The following GDPGP1 variants were observed in gnomAD, a reference collection of about 807,000 sequenced individuals.
GDPGP1 encodes GDP-D-glucose phosphorylase C15orf58.
A neutral mutation model predicts 19.2 loss-of-function variants in GDPGP1; 18 were observed. The observed-to-expected ratio is 0.94, with a 90% CI of 0.65 to 1.39. The LOEUF (loss-of-function observed/expected upper bound fraction) is 1.39. Ranked by LOEUF, GDPGP1 falls within the 40% of genes most tolerant of loss-of-function variation. The pLI is 0.00. For synonymous variants in GDPGP1, 219 were observed against 208.9 expected, an observed-to-expected ratio of 1.05 and a Z score of -0.42; for missense variants, 449 against 490.5, an observed-to-expected ratio of 0.92 and a Z score of 0.80.
rs142135462 is a variant in GDPGP1, at chr15:90,241,687, G to A, written c.779G>A (p.Arg260His). 3.4e-4 allele frequency: 554 copies of A among 1,614,100 alleles called. 1 individual carries two copies. Among genetic ancestry groups the A allele is most frequent in the Non-Finnish European group, 4.3e-4 (509 of 1,180,038 alleles). Residue 260 changes from arginine (R) to histidine (H), a missense_variant, in exon 4 of 4, where the codon CGT (arginine) becomes CAT (histidine). Arg to His is a conservative substitution (Grantham distance 29, BLOSUM62 0). Coordinates refer to ENST00000329600, the MANE Select transcript of GDPGP1 (RefSeq NM_001013657.3). ...GCTCCTGGCTTCCTCTTTTACACTC[G>A]TGGGCCAGGGCCTGACTTGGAGTCC... is the stretch of plus-strand genomic sequence containing the variant. ...LPAPGFLFYT[R>H]GPGPDLESLI...
chr15:90,241,601 G>A lies in GDPGP1; in HGVS notation c.693G>A (p.Glu231=). 1 of 1,613,788 alleles carries A rather than the reference G, an allele frequency of 6.2e-7. No individual in the cohort carries two copies. The highest frequency in any genetic ancestry group is 1.1e-5 in the South Asian group (1 of 91,090). ...ACCTGGCCCACAGACTGCCCGTGGA[G>A]CAGGCGCCAAGCGAGCCCCTGGACC... ...GYYLAHRLPV[E]QAPSEPLDPG... is the part of the protein sequence containing the mutation. The change falls in exon 4 of 4, where the codon GAG becomes GAA. Residue 231 remains glutamate, a synonymous_variant. Coordinates refer to ENST00000329600, the MANE Select transcript of GDPGP1 (RefSeq NM_001013657.3).
Position 90,244,923 on chromosome 15 carries a change from A to G in GDPGP1, c.*2857A>G, listed in dbSNP as rs963004212. 6.6e-6 allele frequency: 1 copy of G among 152,186 alleles called. No homozygotes were observed. Among genetic ancestry groups the G allele is most frequent in the Non-Finnish European group, 1.5e-5 (1 of 68,044 alleles). The allele number at this position is 152,186 out of a possible 1,614,324, so 9.4% of individuals were successfully genotyped here. On this transcript the variant is annotated 3_prime_UTR_variant, in exon 4 of 4. Coordinates refer to ENST00000329600, the MANE Select transcript of GDPGP1 (RefSeq NM_001013657.3). ...TGAAGGAATGAGAGTCCCTGTTCAC[A>G]GCGTAAGGGTGAAAGGGGGCTCACA...
chr15:90,235,847 C>T (rs377492042), intron 2 of GDPGP1, among the ~76,000 whole-genome samples: 3 of 152,164 alleles, frequency 2.0e-5, no homozygotes, highest in East Asian at 3.9e-4. Context: ...GGATTACAGG[C>T]GTGACCCACC....
rs1016312741 is a variant in GDPGP1, at chr15:90,245,051, C to T, written c.*2985C>T. 6.6e-6 allele frequency: 1 copy of T among 152,248 alleles called. No homozygotes were observed. The highest frequency in any genetic ancestry group is 1.5e-5 in the Non-Finnish European group (1 of 68,050). 9.4% of individuals were successfully genotyped at this position (152,248 alleles called of 1,614,324 possible). A position where few individuals can be genotyped will look rare whatever the true frequency, so the allele number is the denominator to read the frequency against. On this transcript the variant is annotated 3_prime_UTR_variant, in exon 4 of 4. Transcript: ENST00000329600. ...CTAGCCCTGGCTTAGGCCTTCAGGT[C>T]GTTGGCTCCCTATACCTAGGCCTGT...
chr15:90,234,775 C>A (rs528737738), intron 2 of GDPGP1, among the ~76,000 whole-genome samples, 179 bp downstream of exon 2: 1 of 152,328 alleles, frequency 6.6e-6, no homozygotes, highest in African/African-American at 2.4e-5. Context: ...CACCCCTAGA[C>A]TGCTGACCCT....
intron 3 of GDPGP1, among the ~76,000 whole-genome samples, chr15:90,239,949 C>T (rs1410587093): frequency 2.6e-5 from 4 of 152,002 alleles, no homozygotes; most frequent in South Asian, 4.2e-4. Context: ...CGTGGCTGGG[C>T]GCAGTGGCTC....
rs1336094072 is a variant in GDPGP1 at position 90,245,291 on chromosome 15, A to G, written c.*3225A>G. On this transcript the variant is annotated 3_prime_UTR_variant, in exon 4 of 4. Transcript: ENST00000329600. Reference sequence around the variant, plus strand: ...GGAGTTCAAGACCAGCCTGGCCAACATGGTGAAACCCCGTCTCTACTAAAA... The same window carrying G: ...GGAGTTCAAGACCAGCCTGGCCAACGTGGTGAAACCCCGTCTCTACTAAAA... 6.6e-6 allele frequency: 1 copy of G among 152,220 alleles called. No individual in the cohort carries two copies. Among genetic ancestry groups the G allele is most frequent in the Non-Finnish European group, 1.5e-5 (1 of 68,076 alleles). The allele number at this position is 152,220 out of a possible 1,614,324, so 9.4% of individuals were successfully genotyped here.
At chr15:90,238,927 A>AAAAAC (rs143396632) in intron 3 of GDPGP1, among the ~76,000 whole-genome samples, 3,656 of 152,262 alleles carry the variant, frequency 0.024, 137 homozygotes, top group African/African-American at 0.08. Context: ...TGTCTCTACC[A>AAAAAC]AAAACAAAAC....
At chr15:90,237,519 C>T (rs557790891) in intron 2 of GDPGP1, among the ~76,000 whole-genome samples, 3 of 152,102 alleles carry the variant, frequency 2.0e-5, no homozygotes, top group African/African-American at 4.8e-5. Flanking sequence ...ATCTTGACCT[C>T]GTGATTCACC....
rs191015779 is a variant in GDPGP1 at position 90,238,255 on chromosome 15, G to A, written c.-66-237G>A. Among the ~76,000 whole-genome samples the A allele has an allele frequency of 7.9e-5, 12 of 152,272 alleles. No homozygotes were observed. In the East Asian group the frequency reaches 1.5e-3, roughly 20 times the overall value. On this transcript the variant is annotated intron_variant, in intron 2 of 3. Transcript: ENST00000329600. ...GTGGAGGTTGCAGTGAGCCAAGATC[G>A]TGCCACTGCACTGCAGCCTGGCTGA...
Position 90,239,908 on chromosome 15 carries a change from G to C in GDPGP1, c.-9-992G>C, listed in dbSNP as rs568261012. On this transcript the variant is annotated intron_variant, in intron 3 of 3. Transcript: ENST00000329600. ...CCACTGCACTCCTGCCTGGGTGACA[G>C]AGTGAGAACCTGTTTCAAAATAAAA... is the stretch of plus-strand genomic sequence containing the variant. Among the ~76,000 whole-genome samples the C allele has an allele frequency of 1.2e-4, 19 of 152,300 alleles. No homozygotes were observed. In the South Asian group the frequency reaches 3.7e-3, roughly 30 times the overall value.
rs74037072 is a variant in GDPGP1, at chr15:90,241,110, A to G, written c.202A>G (p.Lys68Glu). 5.2e-3 allele frequency: 8,390 copies of G among 1,614,010 alleles called. 284 individuals are homozygous for G. The African/African-American group carries it at 0.082, about 16-fold the overall frequency. ...TGATGCTGCACTCTGCTCTGCCTGG[A>G]AGCAGCGGGTGGAGCTGGGGCTGTT... ...PFDAALCSAW[K>E]QRVELGLFRY... Residue 68 changes from lysine (K) to glutamate (E), a missense_variant, in exon 4 of 4, where the codon AAG (lysine) becomes GAG (glutamate). Transcript: ENST00000329600.
Position 90,236,060 on chromosome 15 carries a change from CAG to C in GDPGP1, c.-67+1467_-67+1468del, listed in dbSNP as rs779581873. ...GTATCTGTCTTCTTTTTTTTTGAGA[CAG>C]AGTTTCACTCCTGTTGCCCAGGCTG... On this transcript the variant is annotated intron_variant, in intron 2 of 3. Coordinates refer to ENST00000329600, the MANE Select transcript of GDPGP1 (RefSeq NM_001013657.3). 6 of 151,882 alleles carry C rather than the reference CAG, an allele frequency of 4.0e-5. No individual in the cohort carries two copies. The South Asian group carries it at 1.2e-3, about 32-fold the overall frequency. 9.4% of individuals were successfully genotyped at this position (151,882 alleles called of 1,614,324 possible).
rs1386730893 is a variant in GDPGP1 at position 90,241,200 on chromosome 15, C to T, written c.292C>T (p.Leu98=). The change falls in exon 4 of 4, where the codon CTG becomes TTG. Residue 98 remains leucine (L), a synonymous_variant. Coordinates refer to ENST00000329600, the MANE Select transcript of GDPGP1 (RefSeq NM_001013657.3). ...LPGAVGFVAQ[L]NVERGVQRRP... ...TGGTGCTGTGGGTTTCGTGGCTCAGCTGAATGTGGAGCGTGGTGTGCAGAG... is the reference window on the plus strand; with the variant it reads ...TGGTGCTGTGGGTTTCGTGGCTCAGTTGAATGTGGAGCGTGGTGTGCAGAG... The T allele has an allele frequency of 6.2e-7, 1 of 1,614,176 alleles. No individual in the cohort carries two copies. The highest frequency in any genetic ancestry group is 8.5e-7 in the Non-Finnish European group (1 of 1,180,040).
In GDPGP1 at chr15:90,241,420, C is replaced by G. The variant is rs754133795; in HGVS notation, c.512C>G (p.Pro171Arg). Reference sequence around the variant, plus strand: ...GAGTGGGGCCACGTGCTGCTGGTGCCTGAGCCTGCCCGCCAGCTCCCCCAG... The same window carrying G: ...GAGTGGGGCCACGTGCTGCTGGTGCGTGAGCCTGCCCGCCAGCTCCCCCAG... ...PLEWGHVLLV[P>R]EPARQLPQRL... The change falls in exon 4 of 4, where the codon CCT becomes CGT. Residue 171 changes from proline (P) to arginine (R), a missense_variant. Coordinates refer to ENST00000329600, the MANE Select transcript of GDPGP1 (RefSeq NM_001013657.3). The G allele has an allele frequency of 1.7e-5, 28 of 1,613,514 alleles. No individual in the cohort carries two copies. In the African/African-American group the frequency reaches 3.7e-4, roughly 22 times the overall value.
chr15:90,242,202 C>A lies in GDPGP1; in HGVS notation c.*136C>A. On this transcript the variant is annotated 3_prime_UTR_variant, in exon 4 of 4. Transcript: ENST00000329600. The stretch of plus-strand genomic sequence containing the variant: ...TCTGGGGCTGAAGTGATCCTCCCAC[C>A]TCAGCCTCTTGAGTAGCTGAGACTA... 1.5e-6 allele frequency: 1 copy of A among 667,412 alleles called. No homozygotes were observed. The highest frequency in any genetic ancestry group is 2.5e-6 in the Non-Finnish European group (1 of 405,788). The allele number at this position is 667,412 out of a possible 1,614,324, so 41.3% of individuals were successfully genotyped here.
rs1434013964 is a variant in GDPGP1, at chr15:90,244,752, G to A, written c.*2686G>A. The A allele has an allele frequency of 6.6e-6, 1 of 152,296 alleles. No individual in the cohort carries two copies. The highest frequency in any genetic ancestry group is 1.5e-5 in the Non-Finnish European group (1 of 68,164). 9.4% of individuals were successfully genotyped at this position (152,296 alleles called of 1,614,324 possible). A position where few individuals can be genotyped will look rare whatever the true frequency, so the allele number is the denominator to read the frequency against. On this transcript the variant is annotated 3_prime_UTR_variant, in exon 4 of 4. Transcript: ENST00000329600. The stretch of plus-strand genomic sequence containing the variant: ...GAGAATCACTTGAACCCAGGAGGCG[G>A]AGGTTGCAGTGAGCTGAGATTGCAC...
rs1596181401 is a variant in GDPGP1, at chr15:90,244,310, G to T, written c.*2244G>T. On this transcript the variant is annotated 3_prime_UTR_variant, in exon 4 of 4. Coordinates refer to ENST00000329600, the MANE Select transcript of GDPGP1 (RefSeq NM_001013657.3). The stretch of plus-strand genomic sequence containing the variant: ...AAGCACTTTAGAAGCTCCTCTTGAT[G>T]TAGACACAAAATCCAAAGCTAAGTC... The T allele has an allele frequency of 1.3e-5, 2 of 152,186 alleles. No individual in the cohort carries two copies. Among genetic ancestry groups the T allele is most frequent in the East Asian group, 3.9e-4 (2 of 5,192 alleles). 9.4% of individuals were successfully genotyped at this position (152,186 alleles called of 1,614,324 possible). A position where few individuals can be genotyped will look rare whatever the true frequency, so the allele number is the denominator to read the frequency against.
intron 3 of GDPGP1, among the ~76,000 whole-genome samples, chr15:90,240,471 G>A (rs1433960264): frequency 1.3e-5 from 2 of 150,932 alleles, no homozygotes; most frequent in African/African-American, 4.9e-5. Context: ...TCGCGCCACT[G>A]CCCTCTAGCC....
Sources: gnomAD v4.1 joint callset for allele counts (sites outside exome capture counted in the v4.1 genomes callset) on GRCh38, gnomAD v4.1.1 for gene constraint, MANE v1.5 for transcripts, NCBI Gene and HGNC (gene_info 2026-07-23, HGNC 2026-07-21) for gene names.